Variants in TAPT1 observed in about 807,000 individuals in gnomAD.
TAPT1 encodes the protein transmembrane anterior posterior transformation 1, also known as transmembrane anterior posterior transformation protein 1 homolog.
In TAPT1, 28 loss-of-function variants were observed where a neutral mutation model predicts 65.6. The observed-to-expected ratio is 0.43, with a 90% CI of 0.32 to 0.59. The LOEUF (loss-of-function observed/expected upper bound fraction) is 0.59, where lower values mean the gene tolerates loss of function less well. TAPT1 is among the 20% of genes least tolerant of loss of function. The pLI is 0.09. For missense variants in TAPT1, 563 were observed against 679.9 expected, an observed-to-expected ratio of 0.83 and a Z score of 1.91; for synonymous variants, 278 against 245.2, an observed-to-expected ratio of 1.13 and a Z score of -1.25.
Position 16,191,510 on chromosome 4 carries a change from G to C in TAPT1, c.463C>G (p.Leu155Val). Residue 155 changes from leucine (L) to valine (V), a missense_variant, in exon 4 of 14, where the codon CTT becomes GTT. This residue lies in a region of TAPT1 where 217 missense variants were observed against 317.5 expected (regional missense o/e 0.68). Coordinates refer to ENST00000405303, the MANE Select transcript of TAPT1 (RefSeq NM_153365.3). The stretch of plus-strand genomic sequence containing the variant: ...ATGTCACACACCTGGGCAGGCTGAA[G>C]CAAACGTCTGTCCCTGAAACATACA... ...PCYGLRDRRL[L>V]QPAQVCDILK... The C allele has an allele frequency of 6.4e-7, 1 of 1,558,002 alleles. No individual in the cohort carries two copies. The highest frequency in any genetic ancestry group is 8.7e-7 in the Non-Finnish European group (1 of 1,150,384).
At position 16,213,776 on chromosome 4, in the gene TAPT1, A is replaced by G. The variant is rs1190242824; in HGVS notation, c.322T>C (p.Leu108=). 21 of 1,563,082 alleles carry G rather than the reference A, an allele frequency of 1.3e-5. No individual in the cohort carries two copies. Among genetic ancestry groups the G allele is most frequent in the East Asian group, 2.4e-5 (1 of 42,548 alleles). The change falls in exon 2 of 14, where the codon TTG becomes CTG. Residue 108 remains leucine (L), a synonymous_variant. Coordinates refer to ENST00000405303, the MANE Select transcript of TAPT1 (RefSeq NM_153365.3). ...TGAAGAAAAAATAGTACCTTTTCCA[A>G]TTCTCTTGGTATTCGCAAACAAGTG... The part of the protein sequence containing the change: ...VYTCLRIPRE[L]EKLMVFGIFL...
intron 3 of TAPT1, among the ~76,000 whole-genome samples, chr4:16,201,581 T>C (rs904162297): frequency 1.3e-5 from 2 of 152,126 alleles, no homozygotes; most frequent in African/African-American, 4.8e-5. Context: ...ACCGGCATAA[T>C]TGTACAAAGA....
At chr4:16,223,743 T>C (rs182067246) in intron 1 of TAPT1, among the ~76,000 whole-genome samples, 1 of 152,152 alleles carries the variant, frequency 6.6e-6, no homozygotes, top group East Asian at 1.9e-4. Flanking sequence ...ACATATCTAG[T>C]TTCTAAACAT....
chr4:16,175,147 A>G (rs1405182309), intron 9 of TAPT1: 1 of 152,414 alleles, frequency 6.6e-6, no homozygotes, highest in East Asian at 1.9e-4. Context: ...AAAAGACATA[A>G]AACTAAGTTA....
chr4:16,174,432 C>G (rs1204101691), intron 10 of TAPT1, 160 bp from the exon 11 acceptor site: 1 of 726,654 alleles, frequency 1.4e-6, no homozygotes, highest in Non-Finnish European at 2.2e-6. Context: ...CAAATGTTCA[C>G]AAGTCTTAAA....
rs181808295 is a variant in TAPT1 at position 16,204,538 on chromosome 4, A to C, written c.331-1958T>G. Among the ~76,000 whole-genome samples, 413 of 152,390 alleles carry C rather than the reference A, an allele frequency of 2.7e-3. 3 individuals are homozygous for C. Among genetic ancestry groups the C allele is most frequent in the Non-Finnish European group, 3.3e-3 (225 of 68,036 alleles). On this transcript the variant is annotated intron_variant, in intron 2 of 13. Coordinates refer to ENST00000405303, the MANE Select transcript of TAPT1 (RefSeq NM_153365.3). ...TCTTCAGGTACTTCTTTAAAATAAAAAGAGTTATAAGTGAAAACAATAAAA... is the reference window on the plus strand; with the variant it reads ...TCTTCAGGTACTTCTTTAAAATAAACAGAGTTATAAGTGAAAACAATAAAA...
chr4:16,206,875 G>A (rs1175285516), intron 2 of TAPT1, among the ~76,000 whole-genome samples: 1 of 152,160 alleles, frequency 6.6e-6, no homozygotes, highest in African/African-American at 2.4e-5. Context: ...AGGCTTTGCT[G>A]GCTTGTCTTA....
At chr4:16,188,649 G>A (rs573880242) in intron 4 of TAPT1, among the ~76,000 whole-genome samples, 9 of 148,952 alleles carry the variant, frequency 6.0e-5, no homozygotes, top group African/African-American at 1.5e-4. Context: ...GGCCGGGCAC[G>A]GTGGCTCATG....
At chr4:16,194,179 A>G (rs1749550493) in intron 3 of TAPT1, among the ~76,000 whole-genome samples, 1 of 152,262 alleles carries the variant, frequency 6.6e-6, no homozygotes. Flanking sequence ...CCAAAATGAT[A>G]TAATACCACA....
intron 7 of TAPT1, among the ~76,000 whole-genome samples, chr4:16,182,487 C>T (rs1388549003): frequency 6.6e-6 from 1 of 152,112 alleles, no homozygotes; most frequent in Admixed American, 6.5e-5. Context: ...TAAGCTTTTT[C>T]CTTGCTATAT....
At chr4:16,215,832 C>T (rs368924444) in intron 1 of TAPT1, among the ~76,000 whole-genome samples, 66 of 152,222 alleles carry the variant, frequency 4.3e-4, no homozygotes, top group Middle Eastern at 3.4e-3. Flanking sequence ...CTGGCTAGAA[C>T]CAGAACAAGA....
intron 2 of TAPT1, among the ~76,000 whole-genome samples, chr4:16,208,038 G>A (rs1408112622): frequency 6.6e-6 from 1 of 152,118 alleles, no homozygotes; most frequent in East Asian, 1.9e-4. Flanking sequence ...ACACGGAAAA[G>A]AATATTGCTA....
At chr4:16,170,866 A>C (rs1401476556) in intron 11 of TAPT1, 137 bp from the exon 12 acceptor site, 1 of 628,504 alleles carries the variant, frequency 1.6e-6, no homozygotes, top group African/African-American at 1.8e-5. Context: ...TTGTCTAAAA[A>C]TCCAAGAAGG....
At chr4:16,164,021 CAAAT>C (rs1747420956) in intron 13 of TAPT1, among the ~76,000 whole-genome samples, 1 of 152,120 alleles carries the variant, frequency 6.6e-6, no homozygotes, top group African/African-American at 2.4e-5. Flanking sequence ...AACAAACAAA[CAAAT>C]AAACAAAACC....
At chr4:16,187,237 C>A (rs971053859) in intron 5 of TAPT1, among the ~76,000 whole-genome samples, 6 of 152,050 alleles carry the variant, frequency 3.9e-5, no homozygotes, top group African/African-American at 1.4e-4. Flanking sequence ...ATGGTAAATA[C>A]TGAAAGAAGA....
chr4:16,226,867 G>A, upstream of TAPT1: 1 of 230,832 alleles, frequency 4.3e-6, no homozygotes, highest in South Asian at 4.4e-5. Flanking sequence ...GCCCCGGAGA[G>A]GCGGCCGCCA....
At chr4:16,195,321 A>G (rs1749639604) in intron 3 of TAPT1, among the ~76,000 whole-genome samples, 2 of 152,232 alleles carry the variant, frequency 1.3e-5, no homozygotes, top group African/African-American at 4.8e-5. Flanking sequence ...GGCTTTTGAA[A>G]AATACTTTCA....
chr4:16,183,005 A>C (rs943238565), intron 7 of TAPT1: 1 of 152,238 alleles, frequency 6.6e-6, no homozygotes, highest in African/African-American at 2.4e-5. Flanking sequence ...AAAAATTCAT[A>C]GGAAAATTCA....
upstream of TAPT1, chr4:16,227,137 A>G (rs1289888917): frequency 2.2e-6 from 1 of 455,750 alleles, no homozygotes; most frequent in Admixed American, 2.3e-5. Flanking sequence ...GCAGTTTCCA[A>G]AGCATTTGGG....
Sources: gnomAD v4.1 joint callset for allele counts (sites outside exome capture counted in the v4.1 genomes callset) on GRCh38, gnomAD v4.1.1 for gene constraint, gnomAD v4.1.1 regional missense constraint, MANE v1.5 for transcripts, NCBI Gene and HGNC (gene_info 2026-07-23, HGNC 2026-07-21) for gene names.